SGK1: variants seen among roughly 807,000 people sequenced by gnomAD.
SGK1 encodes the protein serine/threonine-protein kinase Sgk1.
Under a neutral mutation model 64.2 loss-of-function variants are expected in SGK1, and 26 were observed. The ratio of observed to expected loss-of-function variants is 0.40; its 90% CI spans 0.30 to 0.56. The LOEUF (loss-of-function observed/expected upper bound fraction) is 0.56. SGK1 is among the 20% of genes least tolerant of loss of function. The pLI is 0.38. For synonymous variants in SGK1, 265 were observed against 239.7 expected, an observed-to-expected ratio of 1.11 and a Z score of -0.98; for missense variants, 519 against 645.6, an observed-to-expected ratio of 0.80 and a Z score of 2.12.
chr6:134,283,207 C>T (rs1258188552), intron 1 of SGK1: 1 of 151,784 alleles, frequency 6.6e-6, no homozygotes, highest in Non-Finnish European at 1.5e-5. Flanking sequence ...TACATATATA[C>T]AGGCTGGGTG....
Position 134,268,781 on chromosome 6 carries a change from C to T in SGK1, c.70-6633G>A, listed in dbSNP as rs1167581467. On this transcript the variant is annotated intron_variant, in intron 1 of 13. Coordinates refer to ENST00000367858, the MANE Select transcript of SGK1 (RefSeq NM_001143676.3). ...GGTTTATAGGAGACTGTTCTCCAAA[C>T]CACACCAGACTTTTAGAAGCAACTA... is the stretch of plus-strand genomic sequence containing the variant. Among the ~76,000 whole-genome samples, 5 of 145,080 alleles carry T rather than the reference C, an allele frequency of 3.4e-5. No individual in the cohort carries two copies. In the Admixed American group the frequency reaches 3.6e-4, roughly 10 times the overall value.
At chr6:134,198,252 C>T (rs1290391578) in intron 3 of SGK1, among the ~76,000 whole-genome samples, 1 of 152,184 alleles carries the variant, frequency 6.6e-6, no homozygotes, top group African/African-American at 2.4e-5. Context: ...AGTCAACCCA[C>T]AGGATTTTCA....
At chr6:134,231,023 A>G (rs1329222977) in intron 2 of SGK1, among the ~76,000 whole-genome samples, 2 of 152,194 alleles carry the variant, frequency 1.3e-5, no homozygotes, top group African/African-American at 4.8e-5. Flanking sequence ...CAAAAAAATG[A>G]AATGAAATGA....
At chr6:134,307,488 C>T (rs1299913482) in intron 1 of SGK1, among the ~76,000 whole-genome samples, 2 of 152,160 alleles carry the variant, frequency 1.3e-5, no homozygotes, top group Non-Finnish European at 2.9e-5. Context: ...CCTGCAGATC[C>T]TAAAATCCAT....
intron 2 of SGK1, among the ~76,000 whole-genome samples, chr6:134,255,864 C>A (rs1308141055): frequency 2.6e-5 from 4 of 152,048 alleles, no homozygotes; most frequent in Admixed American, 2.6e-4. Flanking sequence ...GGATTACAGG[C>A]GTGAGCCACT....
At chr6:134,242,861 A>C (rs1018046689) in intron 2 of SGK1, among the ~76,000 whole-genome samples, 4 of 152,228 alleles carry the variant, frequency 2.6e-5, no homozygotes, top group Admixed American at 2.6e-4. Flanking sequence ...TGGTTAAAAA[A>C]CAAACAAAAC....
In SGK1 at chr6:134,170,811, G is replaced by A; in HGVS notation, c.1413+15C>T. On this transcript the variant is annotated intron_variant, in intron 13 of 13. Coordinates refer to ENST00000367858, the MANE Select transcript of SGK1 (RefSeq NM_001143676.3). ...TTTGGGCTTCTCTATACTTAGAAGA[G>A]AGACAGATACTCACCACATTTGGGT... 3 of 1,517,998 alleles carry A rather than the reference G, an allele frequency of 2.0e-6. No individual in the cohort carries two copies. Among genetic ancestry groups the A allele is most frequent in the Non-Finnish European group, 2.7e-6 (3 of 1,094,450 alleles). The allele number at this position is 1,517,998 out of a possible 1,614,324, so 94.0% of individuals were successfully genotyped here. A position where few individuals can be genotyped will look rare whatever the true frequency, so the allele number is the denominator to read the frequency against.
chr6:134,172,361 C>T (rs184691170), intron 9 of SGK1, 45 bp from the exon 10 acceptor site: 45 of 1,567,772 alleles, frequency 2.9e-5, no homozygotes, highest in Admixed American at 1.2e-4. Flanking sequence ...GTTAATTTCA[C>T]TTCATAAGAT....
At chr6:134,231,413 A>C (rs1776276845) in intron 2 of SGK1, among the ~76,000 whole-genome samples, 1 of 152,250 alleles carries the variant, frequency 6.6e-6, no homozygotes, top group South Asian at 2.1e-4. Flanking sequence ...GATATTCATA[A>C]TAATTACACA....
Position 134,170,000 on chromosome 6 carries a change from G to C in SGK1, c.*268C>G, listed in dbSNP as rs942475922. 3.2e-5 allele frequency: 8 copies of C among 252,210 alleles called. No individual in the cohort carries two copies. The highest frequency in any genetic ancestry group is 6.1e-5 in the Non-Finnish European group (8 of 131,844). 15.6% of individuals were successfully genotyped at this position (252,210 alleles called of 1,614,324 possible). A position where few individuals can be genotyped will look rare whatever the true frequency, so the allele number is the denominator to read the frequency against. On this transcript the variant is annotated 3_prime_UTR_variant, in exon 14 of 14. Transcript: ENST00000367858. Reference sequence around the variant, plus strand: ...GCGTCCGCTTTCTAACGAAACTCCTGCCTCCGTCTAAGGCGGCACTCTAAC... The same window carrying C: ...GCGTCCGCTTTCTAACGAAACTCCTCCCTCCGTCTAAGGCGGCACTCTAAC...
intron 2 of SGK1, chr6:134,214,924 G>A (rs528734680): frequency 3.5e-5 from 13 of 373,748 alleles, no homozygotes; most frequent in Non-Finnish European, 5.3e-5. Context: ...ATTGGGTTAG[G>A]TAAGTGGAAG....
At chr6:134,296,086 A>G (rs1193195823) in intron 1 of SGK1, among the ~76,000 whole-genome samples, 1 of 152,174 alleles carries the variant, frequency 6.6e-6, no homozygotes, top group Non-Finnish European at 1.5e-5. Context: ...TGTAATGGGA[A>G]GAGAATCTCA....
At chr6:134,202,980 AT>A (rs1457888042) in intron 3 of SGK1, among the ~76,000 whole-genome samples, 2 of 152,194 alleles carry the variant, frequency 1.3e-5, no homozygotes, top group African/African-American at 2.4e-5. Flanking sequence ...ACAGTGGCTC[AT>A]GCCTGTAATG....
intron 3 of SGK1, among the ~76,000 whole-genome samples, chr6:134,182,201 T>C (rs1775342009): frequency 6.6e-6 from 1 of 152,150 alleles, no homozygotes; most frequent in Non-Finnish European, 1.5e-5. Flanking sequence ...ACCCTTAATC[T>C]TGTCAGCTGT....
chr6:134,297,001 C>T (rs1347622893), intron 1 of SGK1: 4 of 429,168 alleles, frequency 9.3e-6, no homozygotes, highest in Non-Finnish European at 1.8e-5. Context: ...GCTGTTCACT[C>T]GGGCAGGACA....
intron 1 of SGK1, among the ~76,000 whole-genome samples, chr6:134,277,367 AG>A (rs1343418164): frequency 1.3e-5 from 2 of 152,216 alleles, no homozygotes; most frequent in East Asian, 3.8e-4. Flanking sequence ...CAACAAAAAA[AG>A]GAAATAAAAA....
chr6:134,317,346 A>T, intron 1 of SGK1, 46 bp downstream of exon 1: 1 of 1,195,720 alleles, frequency 8.4e-7, no homozygotes, highest in South Asian at 1.2e-5. Flanking sequence ...AAAAGCATTT[A>T]AGAGAAGCAC....
intron 2 of SGK1, among the ~76,000 whole-genome samples, chr6:134,234,511 ATGTGAAGGAGC>A (rs1776334685): frequency 6.6e-6 from 1 of 152,248 alleles, no homozygotes; most frequent in Non-Finnish European, 1.5e-5. Flanking sequence ...TGAGAGTATG[ATGTGAAGGAGC>A]TGTTAAGTGA....
chr6:134,192,162 G>C (rs1775523516), intron 3 of SGK1, among the ~76,000 whole-genome samples: 1 of 151,582 alleles, frequency 6.6e-6, no homozygotes, highest in Admixed American at 6.6e-5. Flanking sequence ...ATGGGGTTTT[G>C]CCATGTTGGC....
Sources: allele counts gnomAD v4.1 joint callset (sites outside exome capture counted in the v4.1 genomes callset), GRCh38; gene constraint gnomAD v4.1.1; transcripts MANE v1.5; gene names NCBI Gene and HGNC (gene_info 2026-07-23, HGNC 2026-07-21).